VSTM1: variants seen among roughly 807,000 people sequenced by gnomAD.
The protein encoded by VSTM1 is V-set and transmembrane domain containing 1, also known as V-set and transmembrane domain-containing protein 1.
VSTM1 carries 27 observed loss-of-function variants against 33.1 expected under a neutral mutation model. That is an observed-to-expected ratio of 0.82 (90% CI 0.60 to 1.12). The LOEUF (loss-of-function observed/expected upper bound fraction) is 1.12. VSTM1 is among the 50% of genes most tolerant of loss of function. The probability of loss-of-function intolerance (pLI) is 0.00; values close to 1 mark genes in which losing one functional copy is unlikely to be tolerated. For missense variants in VSTM1, 304 were observed against 288.9 expected (o/e 1.05, Z -0.38); for synonymous variants, 115 against 110.3 (o/e 1.04, Z -0.27).
At chr19:54,044,194 C>G (rs2070457846) in intron 4 of VSTM1, among the ~76,000 whole-genome samples, 1 of 152,114 alleles carries the variant, frequency 6.6e-6, no homozygotes, top group Non-Finnish European at 1.5e-5. Flanking sequence ...CCCCAAGACA[C>G]AGAACAAGGG....
intron 1 of VSTM1, among the ~76,000 whole-genome samples, chr19:54,062,599 C>G (rs1029998375): frequency 2.0e-4 from 30 of 151,652 alleles, no homozygotes; most frequent in African/African-American, 6.8e-4. Flanking sequence ...TGGCGTGTGC[C>G]TATAATCCCA....
At chr19:54,053,566 T>C (rs1020692459) in intron 3 of VSTM1, among the ~76,000 whole-genome samples, 1 of 142,050 alleles carries the variant, frequency 7.0e-6, no homozygotes, top group South Asian at 2.3e-4. Context: ...AAGAACCAGA[T>C]ATTGCTATCA....
intron 4 of VSTM1, among the ~76,000 whole-genome samples, chr19:54,049,141 T>C (rs1356493688): frequency 6.6e-6 from 1 of 152,136 alleles, no homozygotes; most frequent in African/African-American, 2.4e-5. Flanking sequence ...GGTCTATCCA[T>C]ACAATACGAT....
chr19:54,042,326 G>C lies in VSTM1; in HGVS notation c.438C>G (p.Ile146Met), dbSNP rs1568449446. 6.2e-7 allele frequency: 1 copy of C among 1,614,016 alleles called. No homozygotes were observed. The highest frequency in any genetic ancestry group is 2.2e-5 in the East Asian group (1 of 44,858). ...IFVAIFSCIS[I>M]LLLFLSVFII... is the part of the protein sequence containing the mutation. ...TGAAGACTGAGAGGAAGAGGAGAAG[G>C]ATGGAGATGCAGCTGAAGATGGCGA... Residue 146 changes from isoleucine to methionine, a missense_variant, in exon 5 of 9, where the codon ATC becomes ATG. Physicochemically the swap from Ile to Met is conservative, Grantham distance 10. Coordinates refer to ENST00000338372, the MANE Select transcript of VSTM1 (RefSeq NM_198481.4).
Position 54,052,521 on chromosome 19 carries a change from C to A in VSTM1, c.356-1073G>T, listed in dbSNP as rs1434297246. 2.8e-5 allele frequency among the ~76,000 whole-genome samples: 4 copies of A among 142,488 alleles called. 1 individual carries two copies. The highest frequency in any genetic ancestry group is 6.2e-5 in the Non-Finnish European group (4 of 64,492). 93.5% of individuals were successfully genotyped at this position (142,488 alleles called of 152,430 possible). ...GACTACACATATGAGTGAGATCCTG[C>A]AGAATTTGTCTTTCTGAGTCTGGCT... On this transcript the variant is annotated intron_variant, in intron 3 of 8. Coordinates refer to ENST00000338372, the MANE Select transcript of VSTM1 (RefSeq NM_198481.4).
At chr19:54,051,980 C>G (rs2070861335) in intron 3 of VSTM1, among the ~76,000 whole-genome samples, 2 of 151,914 alleles carry the variant, frequency 1.3e-5, no homozygotes, top group South Asian at 4.2e-4. Context: ...AGGCTGGTCT[C>G]AAACTCCTGG....
intron 3 of VSTM1, among the ~76,000 whole-genome samples, chr19:54,053,388 T>C (rs1161787568): frequency 7.0e-6 from 1 of 142,058 alleles, no homozygotes; most frequent in Non-Finnish European, 1.6e-5. Context: ...TGTGACTTTC[T>C]TCTCACCAAT....
intron 3 of VSTM1, among the ~76,000 whole-genome samples, chr19:54,053,489 C>T (rs1297496683): frequency 1.4e-5 from 2 of 142,376 alleles, no homozygotes; most frequent in African/African-American, 5.2e-5. Flanking sequence ...TCTCTTTCTT[C>T]TCTCTCTCTC....
chr19:54,051,257 A>G (rs2070826611), intron 4 of VSTM1, among the ~76,000 whole-genome samples, 153 bp downstream of exon 4: 1 of 152,166 alleles, frequency 6.6e-6, no homozygotes, highest in Admixed American at 6.6e-5. Flanking sequence ...GCGCCACTGT[A>G]CTCCAGCCTT....
At chr19:54,051,023 G>C (rs1049867916) in intron 4 of VSTM1, among the ~76,000 whole-genome samples, 1 of 151,798 alleles carries the variant, frequency 6.6e-6, no homozygotes, top group African/African-American at 2.4e-5. Context: ...GCCGTGTGCG[G>C]TGGCTCACGC....
At chr19:54,062,909 A>G (rs904388167) in intron 1 of VSTM1, among the ~76,000 whole-genome samples, 2 of 152,108 alleles carry the variant, frequency 1.3e-5, no homozygotes, top group African/African-American at 4.8e-5. Flanking sequence ...TGCTGGGTCA[A>G]GCCTAGAGTT....
Position 54,058,447 on chromosome 19 carries a change from G to A in VSTM1, c.214C>T (p.Gln72Ter). Residue 72 changes from glutamine to a stop codon, truncating the protein, a stop_gained, in exon 3 of 9, where the codon CAG (glutamine) becomes TAG (stop). Coordinates refer to ENST00000338372, the MANE Select transcript of VSTM1 (RefSeq NM_198481.4). LOFTEE classifies it high-confidence loss of function. ...TCAGCTTCGTTTTCTGCCGAGCTCT[G>A]TTCCTGCTTGTACCCAGAGTCGTTC... ...KVNDSGYKQEQSSAENEAEFP... is the reference protein window; with the variant it reads ...KVNDSGYKQE The A allele has an allele frequency of 6.2e-7, 1 of 1,614,052 alleles. No individual in the cohort carries two copies. Among genetic ancestry groups the A allele is most frequent in the Non-Finnish European group, 8.5e-7 (1 of 1,180,028 alleles).
intron 3 of VSTM1, among the ~76,000 whole-genome samples, chr19:54,057,921 A>G (rs142143886): frequency 2.4e-4 from 37 of 151,700 alleles, no homozygotes; most frequent in Middle Eastern, 3.4e-3. Context: ...CCTCACCAAT[A>G]TGGTACAACC....
chr19:54,061,505 C>CA (rs1413219861), intron 1 of VSTM1, among the ~76,000 whole-genome samples: 4 of 152,212 alleles, frequency 2.6e-5, no homozygotes, highest in African/African-American at 9.6e-5. Context: ...GAGACAGAGA[C>CA]ACACAGAAGG....
At chr19:54,056,611 T>TC (rs2071111114) in intron 3 of VSTM1, among the ~76,000 whole-genome samples, 1 of 139,854 alleles carries the variant, frequency 7.2e-6, no homozygotes, top group South Asian at 2.4e-4. Flanking sequence ...CCCTGGTGCT[T>TC]CCCCACATAC....
At chr19:54,047,373 A>G (rs572068884) in intron 4 of VSTM1, among the ~76,000 whole-genome samples, 1 of 150,176 alleles carries the variant, frequency 6.7e-6, no homozygotes, top group East Asian at 2.0e-4. Context: ...CGGCTTTGGA[A>G]CCTCCCCCTC....
intron 1 of VSTM1, among the ~76,000 whole-genome samples, chr19:54,060,432 C>T (rs1341188760): frequency 6.6e-6 from 1 of 152,152 alleles, no homozygotes; most frequent in Non-Finnish European, 1.5e-5. Flanking sequence ...ACATTGGTTC[C>T]TTGTTGACAC....
At chr19:54,047,713 T>C (rs2070664178) in intron 4 of VSTM1, among the ~76,000 whole-genome samples, 1 of 152,224 alleles carries the variant, frequency 6.6e-6, no homozygotes, top group Non-Finnish European at 1.5e-5. Context: ...TTGTCCTTTC[T>C]GTTCTCCCCT....
chr19:54,051,776 A>AT (rs1330840066), intron 3 of VSTM1, among the ~76,000 whole-genome samples: 7 of 151,548 alleles, frequency 4.6e-5, no homozygotes, highest in Non-Finnish European at 1.0e-4. Context: ...TCTTTCTTTT[A>AT]TTTTTTTTGA....
Sources: allele counts gnomAD v4.1 joint callset (sites outside exome capture counted in the v4.1 genomes callset), GRCh38; gene constraint gnomAD v4.1.1; transcripts MANE v1.5; gene names NCBI Gene and HGNC (gene_info 2026-07-23, HGNC 2026-07-21).